SCAF1: variants seen among roughly 807,000 people sequenced by gnomAD.
SCAF1 encodes SR-related CTD associated factor 1.
In SCAF1, 28 loss-of-function variants were observed where a neutral mutation model predicts 91.2. That is an observed-to-expected ratio of 0.31 (90% CI 0.23 to 0.42). The LOEUF (loss-of-function observed/expected upper bound fraction) is 0.42. Among genes scored for constraint, SCAF1 ranks in the 10% least tolerant of loss-of-function variants. The pLI, the probability that SCAF1 is intolerant of heterozygous loss-of-function variation, is 1.00. For synonymous variants in SCAF1, 1,036 were observed against 833.7 expected (o/e 1.24, Z -4.18); for missense variants, 1,893 against 1,872.1 (o/e 1.01, Z -0.21).
rs533118974 is a variant in SCAF1 at position 49,646,542 on chromosome 19, C to T, written c.278C>T (p.Thr93Met). The T allele has an allele frequency of 5.0e-6, 8 of 1,614,032 alleles. No individual in the cohort carries two copies. Among genetic ancestry groups the T allele is most frequent in the East Asian group, 2.2e-5 (1 of 44,890 alleles). The stretch of plus-strand genomic sequence containing the variant: ...CTCTTCCAGGTGTTGGACATGGCCA[C>T]GGACAGCTTCCTCGCAGGGCTGGTG... ...TDTATVLDMA[T>M]DSFLAGLVSV... The change falls in exon 5 of 11, where the codon ACG (threonine) becomes ATG (methionine). Residue 93 changes from threonine to methionine, a missense_variant. This residue lies in a region of SCAF1 where 270 missense variants were observed against 292.5 expected (regional missense o/e 0.92). Coordinates refer to ENST00000360565, the MANE Select transcript of SCAF1 (RefSeq NM_021228.3). This position sits in a 1 kb window ranked among gnomAD's most constrained non-coding sequence, Gnocchi z 5.6.
At chr19:49,649,746 C>T (rs865951388) in intron 6 of SCAF1, among the ~76,000 whole-genome samples, 4 of 152,212 alleles carry the variant, frequency 2.6e-5, no homozygotes, top group East Asian at 1.9e-4. Flanking sequence ...CCATCCACCT[C>T]GGCCTCCCAA....
In SCAF1 at chr19:49,651,163, C is replaced by G. The variant is rs779735576; in HGVS notation, c.774C>G (p.Pro258=). 2 of 1,613,156 alleles carry G rather than the reference C, an allele frequency of 1.2e-6. No individual in the cohort carries two copies. The highest frequency in any genetic ancestry group is 1.7e-6 in the Non-Finnish European group (2 of 1,179,828). ...CTTTTGAGCCCACCGGCTCCAACCC[C>G]AGCTCATCAGCGGGGACCCCCTCAC... ...YDPFEPTGSN[P]SSSAGTPSPE... The change falls in exon 7 of 11, where the codon CCC becomes CCG. Residue 258 remains proline, a synonymous_variant. Transcript: ENST00000360565.
At position 49,642,505 on chromosome 19, in the gene SCAF1, C is replaced by G. The variant is rs2081032770; in HGVS notation, c.-7+263C>G. 1.3e-5 allele frequency among the ~76,000 whole-genome samples: 2 copies of G among 152,072 alleles called. No homozygotes were observed. The highest frequency in any genetic ancestry group is 2.9e-5 in the Non-Finnish European group (2 of 68,010). On this transcript the variant is annotated intron_variant, in intron 1 of 10. Coordinates refer to ENST00000360565, the MANE Select transcript of SCAF1 (RefSeq NM_021228.3). This position sits in a 1 kb window ranked among gnomAD's most constrained non-coding sequence, Gnocchi z 4.0. Reference sequence around the variant, plus strand: ...GACTTGGGGCGTCTCTGGGCCTAGACCGAGCCTAAGGCCTGCCCTCCATCA... The same window carrying G: ...GACTTGGGGCGTCTCTGGGCCTAGAGCGAGCCTAAGGCCTGCCCTCCATCA...
Position 49,654,396 on chromosome 19 carries a change from G to A in SCAF1, c.3364G>A (p.Ala1122Thr), listed in dbSNP as rs1442947873. 1.2e-6 allele frequency: 2 copies of A among 1,613,592 alleles called. No individual in the cohort carries two copies. The highest frequency in any genetic ancestry group is 1.7e-6 in the Non-Finnish European group (2 of 1,179,984). Reference sequence around the variant, plus strand: ...GGAAGAAGCCAACCTGGCGAGCCGAGCGAAGGCCCAGGAGCTGATCCAGGC... The same window carrying A: ...GGAAGAAGCCAACCTGGCGAGCCGAACGAAGGCCCAGGAGCTGATCCAGGC... ...KMEEANLASR[A>T]KAQELIQATN... The change falls in exon 8 of 11, where the codon GCG becomes ACG. Residue 1122 changes from alanine to threonine, a missense_variant. Physicochemically the swap from Ala to Thr is moderately conservative, Grantham distance 58 (BLOSUM62 0). Transcript: ENST00000360565.
Position 49,645,240 on chromosome 19 carries a change from C to A in SCAF1, c.108+106C>A, listed in dbSNP as rs1012781231. On this transcript the variant is annotated intron_variant, in intron 2 of 10. Transcript: ENST00000360565. The surrounding 1 kb of genome is among the most constrained non-coding windows in gnomAD (Gnocchi z 4.6). ...GCAGGGGCGCTGGACTCTTGGCTCC[C>A]TTGAAGCACTTGAGTCTAGCTGTCA... 6.7e-7 allele frequency: 1 copy of A among 1,497,798 alleles called. No individual in the cohort carries two copies. The highest frequency in any genetic ancestry group is 9.3e-7 in the Non-Finnish European group (1 of 1,077,600). 92.8% of individuals were successfully genotyped at this position (1,497,798 alleles called of 1,614,324 possible).
At chr19:49,654,988 A>G (rs993415729) in intron 9 of SCAF1, 118 bp downstream of exon 9, 1 of 781,876 alleles carries the variant, frequency 1.3e-6, no homozygotes, top group East Asian at 2.7e-5. Context: ...ACAGGGCCGT[A>G]GAGACCAAAG....
At chr19:49,657,500 C>T (rs142653791) in intron 9 of SCAF1, among the ~76,000 whole-genome samples, 53 of 152,374 alleles carry the variant, frequency 3.5e-4, no homozygotes, top group African/African-American at 1.2e-3. Flanking sequence ...CACACATGTC[C>T]TGGTCCCGGC....
intron 6 of SCAF1, among the ~76,000 whole-genome samples, 189 bp from the exon 7 acceptor site, chr19:49,650,679 C>T (rs2081079877): frequency 6.6e-6 from 1 of 152,132 alleles, no homozygotes; most frequent in African/African-American, 2.4e-5. Context: ...CAGTTTCCTC[C>T]TGTGACCTTT....
At chr19:49,641,910 C>A (rs552833063), upstream of SCAF1, among the ~76,000 whole-genome samples, 1 of 152,368 alleles carries the variant, frequency 6.6e-6, no homozygotes, top group African/African-American at 2.4e-5. Context: ...CCTTTCCGCG[C>A]GCGCGCAGGG....
At position 49,658,632 on chromosome 19, in the gene SCAF1, A is replaced by C; in HGVS notation, c.*233A>C. On this transcript the variant is annotated 3_prime_UTR_variant, in exon 11 of 11. Transcript: ENST00000360565. ...TCTCCCCAATTTCATTAAAGATTTC[A>C]TGAAACATTACCCCTGAGCCCCATG... 1.8e-6 allele frequency: 1 copy of C among 549,870 alleles called. No individual in the cohort carries two copies. Among genetic ancestry groups the C allele is most frequent in the Non-Finnish European group, 3.2e-6 (1 of 308,234 alleles). The allele number at this position is 549,870 out of a possible 1,614,324, so 34.1% of individuals were successfully genotyped here.
In SCAF1 at chr19:49,645,089, T is replaced by C; in HGVS notation, c.63T>C (p.Gly21=). 1 of 1,614,120 alleles carries C rather than the reference T, an allele frequency of 6.2e-7. No individual in the cohort carries two copies. The highest frequency in any genetic ancestry group is 8.5e-7 in the Non-Finnish European group (1 of 1,179,992). Reference sequence around the variant, plus strand: ...AGTCGGGGGAGGATCGGGGCGATGGTCCGCCAGACAGAGACCCCACGCTTT... The same window carrying C: ...AGTCGGGGGAGGATCGGGGCGATGGCCCGCCAGACAGAGACCCCACGCTTT... ...TEESGEDRGD[G]PPDRDPTLSP... The change falls in exon 2 of 11, where the codon GGT becomes GGC. Residue 21 remains glycine, a synonymous_variant. Transcript: ENST00000360565. This position sits in a 1 kb window ranked among gnomAD's most constrained non-coding sequence, Gnocchi z 4.6.
chr19:49,650,942 G>GGCCCCCC lies in SCAF1; in HGVS notation c.553_554insGCCCCCC (p.Ala185GlyfsTer47). ...CTTGGGCACGGGAGACGGGGGCCCT[G>GGCCCCCC]CCCCACCCCCTGCCCCCTCCTCTGC... On this transcript the variant is annotated frameshift_variant, in exon 7 of 11. Transcript: ENST00000360565. LOFTEE classifies it high-confidence loss of function. 2 of 1,583,800 alleles carry GGCCCCCC rather than the reference G, an allele frequency of 1.3e-6. No homozygotes were observed. Among genetic ancestry groups the GGCCCCCC allele is most frequent in the South Asian group, 1.1e-5 (1 of 88,116 alleles).
chr19:49,650,942 G>GCCCCCCCCCCCCCCCCCCCCCCCTCCCC lies in SCAF1; in HGVS notation c.557_558insCCCCCCCCCCCCCCCCCCCTCCCCCCCC (p.Ala189ProfsTer50). ...CTTGGGCACGGGAGACGGGGGCCCTGCCCCACCCCCTGCCCCCTCCTCTGC... is the reference window on the plus strand; with the variant it reads ...CTTGGGCACGGGAGACGGGGGCCCTGCCCCCCCCCCCCCCCCCCCCCCCTCCCCCCCCACCCCCTGCCCCCTCCTCTGC... On this transcript the variant is annotated frameshift_variant, in exon 7 of 11. Coordinates refer to ENST00000360565, the MANE Select transcript of SCAF1 (RefSeq NM_021228.3). LOFTEE classifies it high-confidence loss of function. 6.3e-7 allele frequency: 1 copy of GCCCCCCCCCCCCCCCCCCCCCCCTCCCC among 1,583,812 alleles called. No individual in the cohort carries two copies. Among genetic ancestry groups the GCCCCCCCCCCCCCCCCCCCCCCCTCCCC allele is most frequent in the South Asian group, 1.1e-5 (1 of 88,116 alleles).
At position 49,651,854 on chromosome 19, in the gene SCAF1, C is replaced by G. The variant is rs1266318637; in HGVS notation, c.1465C>G (p.Gln489Glu). ...GGACCTGCGCCGCAAGATCCTGACCCAACGGCGGGAGCGCTACCGCCAGCG... is the reference window on the plus strand; with the variant it reads ...GGACCTGCGCCGCAAGATCCTGACCGAACGGCGGGAGCGCTACCGCCAGCG... ...GLDLRRKILT[Q>E]RRERYRQRSP... Residue 489 changes from glutamine (Q) to glutamate (E), a missense_variant, in exon 7 of 11, where the codon CAA becomes GAA. Transcript: ENST00000360565. 8.0e-7 allele frequency: 1 copy of G among 1,251,242 alleles called. No homozygotes were observed. The highest frequency in any genetic ancestry group is 1.0e-6 in the Non-Finnish European group (1 of 997,826). 77.5% of individuals were successfully genotyped at this position (1,251,242 alleles called of 1,614,324 possible).
At chr19:49,655,990 T>C (rs1030731659) in intron 9 of SCAF1, among the ~76,000 whole-genome samples, 6 of 152,212 alleles carry the variant, frequency 3.9e-5, no homozygotes, top group Admixed American at 2.0e-4. Flanking sequence ...TTTCTTACAG[T>C]CTAGTAGCCC....
chr19:49,656,309 C>T (rs1163749965), intron 9 of SCAF1, among the ~76,000 whole-genome samples: 1 of 152,196 alleles, frequency 6.6e-6, no homozygotes, highest in Non-Finnish European at 1.5e-5. Context: ...CCTGAGAAGT[C>T]CCTCCAGGGC....
chr19:49,652,086 C>T lies in SCAF1; in HGVS notation c.1697C>T (p.Ala566Val). Residue 566 changes from alanine to valine, a missense_variant, in exon 7 of 11, where the codon GCC becomes GTC. Around this residue, in one of 5 missense-constraint regions of SCAF1, gnomAD observed 1,436 missense variants for 1,306.8 expected, o/e 1.10. Coordinates refer to ENST00000360565, the MANE Select transcript of SCAF1 (RefSeq NM_021228.3). Reference protein sequence around the residue: ...RSRDRKPGSHASSSARRRSRS... With the variant: ...RSRDRKPGSHVSSSARRRSRS... ...CGGGACCGCAAGCCCGGCTCCCACG[C>T]CTCGTCGTCCGCCCGCCGCCGCTCC... is the stretch of plus-strand genomic sequence containing the variant. 1 of 1,182,822 alleles carries T rather than the reference C, an allele frequency of 8.5e-7. No individual in the cohort carries two copies. Among genetic ancestry groups the T allele is most frequent in the Non-Finnish European group, 1.1e-6 (1 of 945,584 alleles). The allele number at this position is 1,182,822 out of a possible 1,614,324, so 73.3% of individuals were successfully genotyped here. A position where few individuals can be genotyped will look rare whatever the true frequency, so the allele number is the denominator to read the frequency against.
At chr19:49,656,447 C>T (rs186162200) in intron 9 of SCAF1, among the ~76,000 whole-genome samples, 1 of 152,210 alleles carries the variant, frequency 6.6e-6, no homozygotes, top group East Asian at 1.9e-4. Flanking sequence ...GTTTACCTGC[C>T]CCTACTTTGA....
At chr19:49,648,567 C>G (rs1599822572) in intron 6 of SCAF1, among the ~76,000 whole-genome samples, 2 of 150,866 alleles carry the variant, frequency 1.3e-5, no homozygotes, top group Non-Finnish European at 3.0e-5. Context: ...CACACCCCCC[C>G]CCCTTTTTTT....
Sources: allele counts gnomAD v4.1 joint callset (sites outside exome capture counted in the v4.1 genomes callset), GRCh38; gene constraint gnomAD v4.1.1; regional missense constraint gnomAD v4.1.1; non-coding constraint Gnocchi (gnomAD v3.1); transcripts MANE v1.5; gene names NCBI Gene and HGNC (gene_info 2026-07-23, HGNC 2026-07-21).